Variants in VWA8 observed in about 807,000 individuals in gnomAD.
VWA8 encodes von Willebrand factor A domain-containing protein 8.
VWA8 carries 221 observed loss-of-function variants against 241.5 expected under a neutral mutation model. That is an observed-to-expected ratio of 0.91 (90% confidence interval 0.82 to 1.02). The LOEUF (loss-of-function observed/expected upper bound fraction) is 1.02, where lower values mean the gene tolerates loss of function less well. Ranked by LOEUF, VWA8 falls within the 50% of genes least tolerant of loss-of-function variation. The pLI is 0.00. For missense variants in VWA8, 2,322 were observed against 2,328.7 expected (o/e 1.00, Z 0.06); for synonymous variants, 852 against 827.1 (o/e 1.03, Z -0.52).
chr13:41,879,616 T>C (rs771351596), intron 9 of VWA8, among the ~76,000 whole-genome samples: 7 of 151,882 alleles, frequency 4.6e-5, no homozygotes, highest in Admixed American at 6.6e-5. Context: ...ATTATTGACA[T>C]AACCAGTCAA....
At chr13:41,824,838 GA>G (rs149597138) in intron 14 of VWA8, among the ~76,000 whole-genome samples, 5 of 110,010 alleles carry the variant, frequency 4.5e-5, no homozygotes, top group African/African-American at 1.1e-4. Context: ...AACAGAAAAA[GA>G]AAAAAAAAAG....
At position 41,912,042 on chromosome 13, in the gene VWA8, T is replaced by C; in HGVS notation, c.368A>G (p.Tyr123Cys). Reference sequence around the variant, plus strand: ...TGACAAGAATTAACTGCTCACCAAGTACTGCATAGCAATAGAGCGTCGAAG... The same window carrying C: ...TGACAAGAATTAACTGCTCACCAAGCACTGCATAGCAATAGAGCGTCGAAG... ...GPLRRSIAMQ[Y>C]LELTKREVEY... Residue 123 changes from tyrosine (Y) to cysteine (C), a missense_variant, in exon 3 of 45, where the codon TAC becomes TGC. Coordinates refer to ENST00000379310, the MANE Select transcript of VWA8 (RefSeq NM_015058.2). The C allele has an allele frequency of 6.3e-7, 1 of 1,583,214 alleles. No individual in the cohort carries two copies. The highest frequency in any genetic ancestry group is 8.6e-7 in the Non-Finnish European group (1 of 1,163,278).
chr13:41,907,614 CG>C lies in VWA8; in HGVS notation c.454del (p.Arg152ValfsTer38), dbSNP rs1875783078. 6.2e-7 allele frequency: 1 copy of C among 1,614,042 alleles called. No individual in the cohort carries two copies. Among genetic ancestry groups the C allele is most frequent in the Non-Finnish European group, 8.5e-7 (1 of 1,180,008 alleles). ...ETDLKQRREI[R>X]AGTAFYIDQC... is the part of the protein sequence containing the mutation. ...ATCAATGTAAAAGGCTGTGCCTGCA[CG>C]GATCTCTCGTCGCTGTTTGAGATCA... On this transcript the variant is annotated frameshift_variant, in exon 4 of 45. Transcript: ENST00000379310. LOFTEE classifies it high-confidence loss of function.
chr13:41,746,035 T>C (rs1272168742), intron 21 of VWA8, among the ~76,000 whole-genome samples: 2 of 152,060 alleles, frequency 1.3e-5, no homozygotes, highest in Admixed American at 6.6e-5. Context: ...GGAGACCAGA[T>C]TGGAAGTGGT....
At chr13:41,667,777 CAT>C (rs2044996392) in intron 37 of VWA8, among the ~76,000 whole-genome samples, 1 of 152,044 alleles carries the variant, frequency 6.6e-6, no homozygotes, top group Non-Finnish European at 1.5e-5. Flanking sequence ...ATAATTAACC[CAT>C]GTTTCTGAAA....
intron 37 of VWA8, among the ~76,000 whole-genome samples, chr13:41,662,889 G>A (rs866977905): frequency 1.3e-5 from 2 of 151,828 alleles, no homozygotes; most frequent in African/African-American, 2.4e-5. Flanking sequence ...CCCTTTATCG[G>A]GTTGAGAAAA....
intron 37 of VWA8, among the ~76,000 whole-genome samples, chr13:41,640,155 T>C (rs529309678): frequency 6.6e-6 from 1 of 152,310 alleles, no homozygotes; most frequent in East Asian, 1.9e-4. Flanking sequence ...ATCTAGAGTA[T>C]TTCTCAATAT....
intron 1 of VWA8, among the ~76,000 whole-genome samples, chr13:41,959,606 C>CTTTTTTTTTTTTTTTTTTT (rs1168629617): frequency 5.0e-5 from 4 of 79,648 alleles, no homozygotes; most frequent in Non-Finnish European, 4.7e-5. Flanking sequence ...CCTAAATATG[C>CTTTTTTTTTTTTTTTTTTT]TTTTTTTTTT....
intron 37 of VWA8, among the ~76,000 whole-genome samples, chr13:41,648,602 C>CAAT (rs1353840539): frequency 6.6e-6 from 1 of 152,166 alleles, no homozygotes; most frequent in African/African-American, 2.4e-5. Context: ...AGGTCCTGAA[C>CAAT]AATAGCTCTT....
intron 4 of VWA8, among the ~76,000 whole-genome samples, chr13:41,903,301 T>A (rs1165813542): frequency 6.6e-6 from 1 of 152,132 alleles, no homozygotes; most frequent in East Asian, 1.9e-4. Flanking sequence ...AAAATTGTAA[T>A]AAAGTTGATT....
At chr13:41,706,046 A>G (rs2045280651) in intron 26 of VWA8, among the ~76,000 whole-genome samples, 1 of 152,194 alleles carries the variant, frequency 6.6e-6, no homozygotes, top group Non-Finnish European at 1.5e-5. Flanking sequence ...TTTGGTTGAT[A>G]CCTAGCCTAA....
chr13:41,753,910 C>A (rs940430879), intron 21 of VWA8, among the ~76,000 whole-genome samples: 1 of 152,016 alleles, frequency 6.6e-6, no homozygotes, highest in African/African-American at 2.4e-5. Context: ...TTATAGACTG[C>A]CTTTTTTAGG....
chr13:41,673,915 C>G (rs1319736182), intron 36 of VWA8, among the ~76,000 whole-genome samples: 1 of 152,042 alleles, frequency 6.6e-6, no homozygotes, highest in Non-Finnish European at 1.5e-5. Context: ...AAATAAAAAA[C>G]TAGTGAGAGA....
intron 28 of VWA8, 117 bp downstream of exon 28, chr13:41,701,275 C>T (rs192647331): frequency 2.4e-6 from 3 of 1,272,122 alleles, no homozygotes; most frequent in Non-Finnish European, 3.1e-6. Flanking sequence ...GCTATCCAAT[C>T]CAAGAATGAC....
rs573742831 is a variant in VWA8 at position 41,570,996 on chromosome 13, A to G, written c.5371-290T>C. Among the ~76,000 whole-genome samples, 265 of 152,334 alleles carry G rather than the reference A, an allele frequency of 1.7e-3. 1 individual carries two copies. The highest frequency in any genetic ancestry group is 6.1e-3 in the African/African-American group (255 of 41,566). On this transcript the variant is annotated intron_variant, in intron 43 of 44. Coordinates refer to ENST00000379310, the MANE Select transcript of VWA8 (RefSeq NM_015058.2). ...ACTTCCACTTAAAGTGAGAAAATAT[A>G]AGAAAATATAAAACTTGGTATCACA...
intron 37 of VWA8, among the ~76,000 whole-genome samples, chr13:41,634,196 T>C (rs969892673): frequency 2.6e-5 from 4 of 152,198 alleles, no homozygotes; most frequent in African/African-American, 9.6e-5. Flanking sequence ...GGTCTTGGGC[T>C]GAGCTAGGGT....
chr13:41,863,452 TA>T (rs1873132812), intron 12 of VWA8, among the ~76,000 whole-genome samples: 2 of 105,408 alleles, frequency 1.9e-5, no homozygotes, highest in African/African-American at 6.9e-5. Flanking sequence ...TATATATATA[TA>T]TTCACACACA....
At chr13:41,594,308 T>C (rs1431688479) in intron 40 of VWA8, among the ~76,000 whole-genome samples, 5 of 151,888 alleles carry the variant, frequency 3.3e-5, no homozygotes, top group African/African-American at 9.7e-5. Context: ...TTTTAAATTT[T>C]TGTGGAGTTG....
At chr13:41,635,271 G>A (rs1351074716) in intron 37 of VWA8, among the ~76,000 whole-genome samples, 1 of 152,118 alleles carries the variant, frequency 6.6e-6, no homozygotes, top group Non-Finnish European at 1.5e-5. Flanking sequence ...ATGGGAAAGT[G>A]AAAGAGTGCT....
Sources: allele counts gnomAD v4.1 joint callset (sites outside exome capture counted in the v4.1 genomes callset), GRCh38; gene constraint gnomAD v4.1.1; transcripts MANE v1.5; gene names NCBI Gene and HGNC (gene_info 2026-07-23, HGNC 2026-07-21).